NSL1: variants seen among roughly 807,000 people sequenced by gnomAD.
NSL1 encodes NSL1 component of MIS12 kinetochore complex, also known as kinetochore-associated protein NSL1 homolog.
In NSL1, 11 loss-of-function variants were observed where a neutral mutation model predicts 25.4. The observed-to-expected ratio is 0.43, with a 90% CI of 0.27 to 0.72. The LOEUF (loss-of-function observed/expected upper bound fraction) is 0.72, where lower values mean the gene tolerates loss of function less well. Among genes scored for constraint, NSL1 ranks in the 30% least tolerant of loss-of-function variants. The pLI is 0.19. For synonymous variants in NSL1, 118 were observed against 120.6 expected (o/e 0.98, Z 0.14); for missense variants, 330 against 342.7 (o/e 0.96, Z 0.29).
In NSL1 at chr1:212,732,783, T is replaced by TA. The variant is rs760306087; in HGVS notation, c.*5624dup. The TA allele has an allele frequency of 7.1e-5, 20 of 282,726 alleles. No individual in the cohort carries two copies. Among genetic ancestry groups the TA allele is most frequent in the Non-Finnish European group, 1.1e-4 (20 of 187,958 alleles). 17.5% of individuals were successfully genotyped at this position (282,726 alleles called of 1,614,324 possible). A position where few individuals can be genotyped will look rare whatever the true frequency, so the allele number is the denominator to read the frequency against. ...ACCCCCAAACGGGATGCCTTGGAGG[T>TA]AATTTTTTTTGACGCTTTGCATATC... is the stretch of plus-strand genomic sequence containing the variant. On this transcript the variant is annotated 3_prime_UTR_variant, in exon 6 of 6. Coordinates refer to ENST00000366977, the MANE Select transcript of NSL1 (RefSeq NM_015471.4).
intron 4 of NSL1, among the ~76,000 whole-genome samples, chr1:212,754,943 A>T (rs982040567): frequency 4.6e-5 from 7 of 152,186 alleles, no homozygotes; most frequent in African/African-American, 1.4e-4. Flanking sequence ...TGCCAGTGTT[A>T]AGATATGGCT....
At chr1:212,782,535 G>A in intron 3 of NSL1, 109 bp from the exon 4 acceptor site, 2 of 825,708 alleles carry the variant, frequency 2.4e-6, no homozygotes, top group Admixed American at 2.3e-5. Flanking sequence ...TTCTTTTGAG[G>A]AAAAAAAATT....
chr1:212,742,708 A>T (rs974030610), intron 4 of NSL1, among the ~76,000 whole-genome samples: 3 of 152,204 alleles, frequency 2.0e-5, no homozygotes, highest in African/African-American at 7.2e-5. Flanking sequence ...TATAGAGATG[A>T]TATGTGGCTG....
chr1:212,746,018 T>A (rs556636132), intron 4 of NSL1, among the ~76,000 whole-genome samples: 1 of 152,064 alleles, frequency 6.6e-6, no homozygotes, highest in Non-Finnish European at 1.5e-5. Flanking sequence ...AGTTAATAAT[T>A]AGTAAACCTG....
Position 212,760,372 on chromosome 1 carries a change from G to T in NSL1, c.500-20771C>A. On this transcript the variant is annotated intron_variant, in intron 4 of 5. Transcript: ENST00000366977. This position sits in a 1 kb window ranked among gnomAD's most constrained non-coding sequence, Gnocchi z 4.3. Reference sequence around the variant, plus strand: ...CAGGAATAGCCTCATTCTGTCTGTTGCTGTGGGCAGGTGCACACACTCAGC... The same window carrying T: ...CAGGAATAGCCTCATTCTGTCTGTTTCTGTGGGCAGGTGCACACACTCAGC... 6.6e-6 allele frequency among the ~76,000 whole-genome samples: 1 copy of T among 152,090 alleles called. No homozygotes were observed. Among genetic ancestry groups the T allele is most frequent in the East Asian group, 1.9e-4 (1 of 5,174 alleles).
intron 4 of NSL1, chr1:212,764,006 C>T (rs1028920301): frequency 2.0e-5 from 9 of 439,752 alleles, no homozygotes; most frequent in African/African-American, 1.8e-4. Context: ...GGAACAGTCT[C>T]CAAGATAGGT....
At chr1:212,754,898 A>G (rs542359336) in intron 4 of NSL1, among the ~76,000 whole-genome samples, 1 of 152,244 alleles carries the variant, frequency 6.6e-6, no homozygotes, top group African/African-American at 2.4e-5. Context: ...GCCTGGACCA[A>G]TCTCCAGTGT....
At chr1:212,762,859 C>T (rs554399899) in intron 4 of NSL1, among the ~76,000 whole-genome samples, 2 of 152,142 alleles carry the variant, frequency 1.3e-5, no homozygotes, top group Admixed American at 6.5e-5. Context: ...TAGGGGCCCT[C>T]GAAGAAGCAG....
intron 4 of NSL1, 66 bp from the exon 5 acceptor site, chr1:212,739,667 G>T: frequency 1.3e-6 from 2 of 1,491,686 alleles, no homozygotes; most frequent in Admixed American, 1.8e-5. Context: ...AAGGCATATA[G>T]ATACTATCTG....
chr1:212,770,238 C>T (rs1203589142), intron 4 of NSL1, among the ~76,000 whole-genome samples: 2 of 151,980 alleles, frequency 1.3e-5, no homozygotes, highest in Admixed American at 6.6e-5. Context: ...CAATAGTAGT[C>T]AAGGACTTCA....
chr1:212,781,544 CCT>C (rs1491302242), intron 4 of NSL1, among the ~76,000 whole-genome samples: 1 of 152,114 alleles, frequency 6.6e-6, no homozygotes, highest in Admixed American at 6.5e-5. Flanking sequence ...TACTTCCCCC[CCT>C]CTCAGTTTAT....
chr1:212,777,256 A>T (rs1276406400), intron 4 of NSL1, among the ~76,000 whole-genome samples: 1 of 152,062 alleles, frequency 6.6e-6, no homozygotes, highest in Admixed American at 6.6e-5. Context: ...ACATGCCTGA[A>T]GTCCCAGCTA....
At chr1:212,781,921 AATGAGTATACTT>A in intron 4 of NSL1, 1 of 353,886 alleles carries the variant, frequency 2.8e-6, no homozygotes, top group Non-Finnish European at 5.6e-6. Flanking sequence ...TCAAAGGCAT[AATGAGTATACTT>A]ATTTCTTCTT....
chr1:212,755,739 A>G (rs1416419929), intron 4 of NSL1, among the ~76,000 whole-genome samples: 1 of 151,740 alleles, frequency 6.6e-6, no homozygotes, highest in African/African-American at 2.4e-5. Context: ...TATTTCATAT[A>G]AATATGAATA....
chr1:212,739,687 T>C (rs1658413463), intron 4 of NSL1, 86 bp from the exon 5 acceptor site: 7 of 1,330,594 alleles, frequency 5.3e-6, no homozygotes, highest in South Asian at 1.3e-5. Flanking sequence ...GAAAGGCATA[T>C]AGATGCTATC....
In NSL1 at chr1:212,730,314, G is replaced by C. The variant is rs11801740; in HGVS notation, c.*8094C>G. The C allele has an allele frequency of 3.0e-3, 2,917 of 984,678 alleles. 45 individuals are homozygous for C. The African/African-American group carries it at 0.037, about 12-fold the overall frequency. 61.0% of individuals were successfully genotyped at this position (984,678 alleles called of 1,614,324 possible). On this transcript the variant is annotated 3_prime_UTR_variant, in exon 6 of 6. Transcript: ENST00000366977. Reference sequence around the variant, plus strand: ...TTATGGACTGGTGAAGAGTTGTGTGGAGGGTGGCATTCCCATCAAGGTGGC... The same window carrying C: ...TTATGGACTGGTGAAGAGTTGTGTGCAGGGTGGCATTCCCATCAAGGTGGC...
In NSL1 at chr1:212,736,574, C is replaced by T. The variant is rs975141488; in HGVS notation, c.*1834G>A. 4.9e-5 allele frequency: 48 copies of T among 984,960 alleles called. No homozygotes were observed. Among genetic ancestry groups the T allele is most frequent in the South Asian group, 4.7e-5 (1 of 21,282 alleles). The allele number at this position is 984,960 out of a possible 1,614,324, so 61.0% of individuals were successfully genotyped here. ...CTTTTCTTAGTTAATAATGCTAATA[C>T]GTACTGTCTTTCCCAGTGGTATTTC... On this transcript the variant is annotated 3_prime_UTR_variant, in exon 6 of 6. Coordinates refer to ENST00000366977, the MANE Select transcript of NSL1 (RefSeq NM_015471.4).
chr1:212,784,338 A>G (rs1372297780), intron 3 of NSL1, 25 bp downstream of exon 3: 1 of 1,504,920 alleles, frequency 6.6e-7, no homozygotes, highest in East Asian at 2.3e-5. Flanking sequence ...ATATACTATA[A>G]CATTTTAAAG....
chr1:212,781,475 T>A (rs1016530742), intron 4 of NSL1, among the ~76,000 whole-genome samples: 13 of 152,188 alleles, frequency 8.5e-5, no homozygotes, highest in African/African-American at 3.1e-4. Flanking sequence ...GGTCAATTTT[T>A]AATGTCAAAC....
Sources: gnomAD v4.1 joint callset for allele counts (sites outside exome capture counted in the v4.1 genomes callset) on GRCh38, gnomAD v4.1.1 for gene constraint, Gnocchi (gnomAD v3.1) non-coding constraint, MANE v1.5 for transcripts, NCBI Gene and HGNC (gene_info 2026-07-23, HGNC 2026-07-21) for gene names.